TMEM163: variants seen among roughly 807,000 people sequenced by gnomAD.
TMEM163 encodes transmembrane protein 163.
In TMEM163, 17 loss-of-function variants were observed where a neutral mutation model predicts 29.3. The observed-to-expected ratio is 0.58, with a 90% CI of 0.40 to 0.87. The LOEUF (loss-of-function observed/expected upper bound fraction) is 0.87, where lower values mean the gene tolerates loss of function less well. Among genes scored for constraint, TMEM163 ranks in the 40% least tolerant of loss-of-function variants. The probability of loss-of-function intolerance (pLI) is 0.00; values close to 1 mark genes in which losing one functional copy is unlikely to be tolerated. For missense variants in TMEM163, 303 were observed against 381.5 expected (o/e 0.79, Z 1.71); for synonymous variants, 157 against 160.6 (o/e 0.98, Z 0.17).
chr2:134,560,916 G>T lies in TMEM163; in HGVS notation c.323-8825C>A, dbSNP rs57516908. Among the ~76,000 whole-genome samples the T allele has an allele frequency of 6.8e-3, 1,033 of 152,192 alleles. 10 individuals are homozygous for T. The highest frequency in any genetic ancestry group is 0.024 in the African/African-American group (979 of 41,492). ...ACCTGGGTTTCAAGAAGCTCTCAGA[G>T]GTCTCACACACAGGAGTCACCAGCT... is the stretch of plus-strand genomic sequence containing the variant. On this transcript the variant is annotated intron_variant, in intron 2 of 7. Transcript: ENST00000281924.
intron 5 of TMEM163, among the ~76,000 whole-genome samples, chr2:134,479,275 T>A (rs1030780724): frequency 6.6e-6 from 1 of 152,186 alleles, no homozygotes; most frequent in African/African-American, 2.4e-5. Context: ...TCTCCCAACA[T>A]GCCCCCTGCA....
intron 2 of TMEM163, among the ~76,000 whole-genome samples, chr2:134,687,327 T>C (rs2104880239): frequency 6.6e-6 from 1 of 152,266 alleles, no homozygotes; most frequent in South Asian, 2.1e-4. Flanking sequence ...GAAGTAGCCA[T>C]GGGAGGTGGA....
At chr2:134,603,113 C>T (rs562826003) in intron 2 of TMEM163, among the ~76,000 whole-genome samples, 2 of 152,124 alleles carry the variant, frequency 1.3e-5, no homozygotes, top group African/African-American at 4.8e-5. Context: ...TCCAGGGTCA[C>T]TCTAGACTCT....
chr2:134,622,040 C>T (rs1682748299), intron 2 of TMEM163, among the ~76,000 whole-genome samples: 1 of 152,062 alleles, frequency 6.6e-6, no homozygotes, highest in African/African-American at 2.4e-5. Context: ...TTTCATTATG[C>T]TAATTGAAAA....
At position 134,471,780 on chromosome 2, in the gene TMEM163, G is replaced by A. The variant is rs150950392; in HGVS notation, c.556-5555C>T. On this transcript the variant is annotated intron_variant, in intron 5 of 7. Transcript: ENST00000281924. ...AATTCTCAGCACTGTCAGAGTGGGC[G>A]TCTGACAGATGCATAAACAGTTGGA... Among the ~76,000 whole-genome samples the A allele has an allele frequency of 7.7e-3, 1,176 of 152,294 alleles. 8 individuals are homozygous for A. The highest frequency in any genetic ancestry group is 0.014 in the Non-Finnish European group (923 of 68,020).
chr2:134,517,245 T>C (rs767288483), intron 4 of TMEM163, among the ~76,000 whole-genome samples: 10 of 152,128 alleles, frequency 6.6e-5, no homozygotes, highest in Non-Finnish European at 1.3e-4. Context: ...TGGGTAAGCA[T>C]GTGAGGCTTA....
At chr2:134,558,320 T>C (rs990369013) in intron 2 of TMEM163, among the ~76,000 whole-genome samples, 2 of 152,164 alleles carry the variant, frequency 1.3e-5, no homozygotes, top group Non-Finnish European at 2.9e-5. Flanking sequence ...CCTCCCAGGA[T>C]GCTGCGTGTC....
chr2:134,518,839 C>G (rs1680132909), intron 4 of TMEM163, among the ~76,000 whole-genome samples: 1 of 152,180 alleles, frequency 6.6e-6, no homozygotes, highest in Non-Finnish European at 1.5e-5. Flanking sequence ...CCTTTCTTGT[C>G]TCAGGCCCCA....
At chr2:134,513,600 G>T (rs1449217492) in intron 4 of TMEM163, among the ~76,000 whole-genome samples, 1 of 152,178 alleles carries the variant, frequency 6.6e-6, no homozygotes, top group South Asian at 2.1e-4. Context: ...TGAAAATGAT[G>T]AAGATGATTA....
chr2:134,491,908 G>A (rs553608256), intron 5 of TMEM163, among the ~76,000 whole-genome samples: 30 of 152,198 alleles, frequency 2.0e-4, no homozygotes, highest in African/African-American at 2.2e-4. Context: ...GGTAACACTC[G>A]AACTGACAAA....
intron 4 of TMEM163, among the ~76,000 whole-genome samples, chr2:134,535,370 TAG>T (rs1680510576): frequency 6.6e-6 from 1 of 152,086 alleles, no homozygotes; most frequent in Non-Finnish European, 1.5e-5. Context: ...CAAAAGCAAA[TAG>T]AGACACAGCA....
chr2:134,641,705 T>C (rs990281064), intron 2 of TMEM163, among the ~76,000 whole-genome samples: 1 of 152,094 alleles, frequency 6.6e-6, no homozygotes, highest in Non-Finnish European at 1.5e-5. Flanking sequence ...AAATAGATAA[T>C]TAAATGGTAT....
intron 2 of TMEM163, among the ~76,000 whole-genome samples, chr2:134,687,021 A>G (rs977426544): frequency 4.6e-5 from 7 of 152,230 alleles, no homozygotes; most frequent in Non-Finnish European, 1.0e-4. Flanking sequence ...TAACATCTCT[A>G]TCTTCCAAAG....
chr2:134,471,213 T>C (rs533542196), intron 5 of TMEM163, among the ~76,000 whole-genome samples: 26 of 152,330 alleles, frequency 1.7e-4, no homozygotes, highest in Admixed American at 1.6e-3. Context: ...TGTTATGGAC[T>C]AGATGTCTGT....
intron 2 of TMEM163, among the ~76,000 whole-genome samples, chr2:134,614,169 T>C (rs1305140464): frequency 2.0e-5 from 3 of 152,138 alleles, no homozygotes; most frequent in Non-Finnish European, 4.4e-5. Context: ...AATAGACCTA[T>C]AAAAATATGT....
chr2:134,505,463 G>C (rs1679802902), intron 4 of TMEM163, among the ~76,000 whole-genome samples: 1 of 152,066 alleles, frequency 6.6e-6, no homozygotes, highest in South Asian at 2.1e-4. Flanking sequence ...AACAGAGGCT[G>C]AGATAGAAGC....
intron 5 of TMEM163, among the ~76,000 whole-genome samples, chr2:134,497,368 C>T (rs1404482425): frequency 1.3e-5 from 2 of 152,136 alleles, no homozygotes; most frequent in African/African-American, 4.8e-5. Context: ...TATTTATTGC[C>T]AACATGTGGC....
chr2:134,596,517 C>T (rs1177825498), intron 2 of TMEM163, among the ~76,000 whole-genome samples: 1 of 152,160 alleles, frequency 6.6e-6, no homozygotes, highest in Non-Finnish European at 1.5e-5. Flanking sequence ...TTACTGTAGC[C>T]TTGTAGTATA....
intron 2 of TMEM163, among the ~76,000 whole-genome samples, chr2:134,699,580 AC>A (rs1393091193): frequency 7.9e-5 from 12 of 152,226 alleles, no homozygotes; most frequent in Non-Finnish European, 2.9e-5. Flanking sequence ...GATATATTCT[AC>A]ATCACATATG....
Sources: gnomAD v4.1 joint callset for allele counts (sites outside exome capture counted in the v4.1 genomes callset) on GRCh38, gnomAD v4.1.1 for gene constraint, MANE v1.5 for transcripts, NCBI Gene and HGNC (gene_info 2026-07-23, HGNC 2026-07-21) for gene names.